Variants in SUCLG2 observed in about 807,000 individuals in gnomAD.
SUCLG2 encodes succinate--CoA ligase [GDP-forming] subunit beta, mitochondrial.
In SUCLG2, 42 loss-of-function variants were observed where a neutral mutation model predicts 47.9. The observed-to-expected ratio is 0.88, with a 90% CI of 0.69 to 1.14. The LOEUF (loss-of-function observed/expected upper bound fraction) is 1.14, where lower values mean the gene tolerates loss of function less well. SUCLG2 is among the 50% of genes most tolerant of loss of function. The pLI is 0.00. For missense variants in SUCLG2, 571 were observed against 525.9 expected (o/e 1.09, Z -0.84); for synonymous variants, 195 against 197.3 (o/e 0.99, Z 0.10).
chr3:67,651,819 T>C (rs1014526210), intron 1 of SUCLG2, among the ~76,000 whole-genome samples: 1 of 152,256 alleles, frequency 6.6e-6, no homozygotes, highest in Admixed American at 6.5e-5. Flanking sequence ...AGGTCTCCTC[T>C]GATCATCCAG....
At chr3:67,370,493 T>A (rs1559634305), downstream of SUCLG2, among the ~76,000 whole-genome samples, 2 of 152,310 alleles carry the variant, frequency 1.3e-5, no homozygotes, top group East Asian at 3.9e-4. Context: ...TGAAGAGTGA[T>A]AAATAAAACC....
At chr3:67,429,778 A>C (rs902243580) in intron 9 of SUCLG2, among the ~76,000 whole-genome samples, 1 of 152,182 alleles carries the variant, frequency 6.6e-6, no homozygotes, top group African/African-American at 2.4e-5. Context: ...ATGGAAAACA[A>C]AAAAAAGAAG....
chr3:67,636,894 T>C (rs1575834573), intron 1 of SUCLG2, among the ~76,000 whole-genome samples: 1 of 151,384 alleles, frequency 6.6e-6, no homozygotes. Context: ...ACAGACAACA[T>C]CCAGACCAGG....
intron 9 of SUCLG2, among the ~76,000 whole-genome samples, chr3:67,450,720 G>A (rs1421746500): frequency 6.6e-6 from 1 of 152,138 alleles, no homozygotes; most frequent in Non-Finnish European, 1.5e-5. Flanking sequence ...AGAATCACCA[G>A]GTCCCAATCC....
chr3:67,591,156 GCTGT>G (rs1708153537), intron 2 of SUCLG2, among the ~76,000 whole-genome samples: 1 of 152,110 alleles, frequency 6.6e-6, no homozygotes. Flanking sequence ...GATCTCTCTG[GCTGT>G]CTGTCTAGAA....
intron 2 of SUCLG2, among the ~76,000 whole-genome samples, chr3:67,576,386 T>C (rs17046626): frequency 2.0e-5 from 3 of 152,026 alleles, no homozygotes; most frequent in Non-Finnish European, 4.4e-5. Flanking sequence ...CAGTAAACAA[T>C]TGGTCCAAGT....
At chr3:67,449,974 C>T (rs368883629) in intron 9 of SUCLG2, among the ~76,000 whole-genome samples, 8 of 151,694 alleles carry the variant, frequency 5.3e-5, no homozygotes, top group Admixed American at 3.3e-4. Context: ...ACTATCAATA[C>T]GAAAAATAAC....
rs1702697660 is a variant in SUCLG2 at position 67,402,107 on chromosome 3, C to T, written c.1063-1256G>A. Among the ~76,000 whole-genome samples, 4 of 152,192 alleles carry T rather than the reference C, an allele frequency of 2.6e-5. No individual in the cohort carries two copies. In the South Asian group the frequency reaches 8.3e-4, roughly 32 times the overall value. ...ACTGATTTGTTCATTGATGTTGTTG[C>T]TAGGGCTGGGACCTTGGTCGAGTTA... On this transcript the variant is annotated intron_variant, in intron 9 of 10. Transcript: ENST00000307227.
intron 2 of SUCLG2, among the ~76,000 whole-genome samples, chr3:67,557,219 C>G (rs913087545): frequency 6.6e-6 from 1 of 152,126 alleles, no homozygotes; most frequent in Non-Finnish European, 1.5e-5. Flanking sequence ...TCTACCTCTA[C>G]AATACTCAGG....
At chr3:67,429,460 G>A (rs536167973) in intron 9 of SUCLG2, among the ~76,000 whole-genome samples, 115 of 152,240 alleles carry the variant, frequency 7.6e-4, no homozygotes, top group African/African-American at 2.7e-3. Flanking sequence ...CACTAAACAT[G>A]GAAAGGAATA....
chr3:67,439,580 T>C (rs974222743), intron 9 of SUCLG2, among the ~76,000 whole-genome samples: 27 of 152,072 alleles, frequency 1.8e-4, no homozygotes, highest in African/African-American at 6.5e-4. Flanking sequence ...AGCATTCCTA[T>C]ACACCAATAA....
intron 2 of SUCLG2, among the ~76,000 whole-genome samples, chr3:67,550,192 C>G (rs1706976994): frequency 6.6e-6 from 1 of 152,212 alleles, no homozygotes; most frequent in Non-Finnish European, 1.5e-5. Flanking sequence ...CATGATTGGT[C>G]TCTGTGAGAC....
intron 10 of SUCLG2, among the ~76,000 whole-genome samples, chr3:67,364,139 C>A (rs1701844911): frequency 6.6e-6 from 1 of 152,162 alleles, no homozygotes; most frequent in African/African-American, 2.4e-5. Context: ...GTGACCCCAG[C>A]CCTACTGAAG....
exon 11 of SUCLG2, chr3:67,360,728 T>C (rs1480870222): frequency 1.3e-6 from 2 of 1,532,964 alleles, no homozygotes; most frequent in Non-Finnish European, 1.7e-6. Context: ...CTGTTTCTTG[T>C]TTTATGTGCA....
chr3:67,506,838 A>G (rs1023408979), intron 7 of SUCLG2, among the ~76,000 whole-genome samples: 1 of 152,240 alleles, frequency 6.6e-6, no homozygotes, highest in Non-Finnish European at 1.5e-5. Flanking sequence ...GCCAAACTGG[A>G]GACTACTTCT....
intron 2 of SUCLG2, among the ~76,000 whole-genome samples, chr3:67,570,824 C>T (rs774833094): frequency 2.0e-5 from 3 of 152,172 alleles, no homozygotes; most frequent in African/African-American, 4.8e-5. Context: ...CTTTCTTTGA[C>T]TGATCTGATT....
chr3:67,584,165 G>C (rs181167361), intron 2 of SUCLG2, among the ~76,000 whole-genome samples: 5 of 152,174 alleles, frequency 3.3e-5, no homozygotes, highest in Admixed American at 2.0e-4. Flanking sequence ...TCTACCAATT[G>C]GTAAATGGAC....
At chr3:67,405,017 T>A (rs1464992991) in intron 9 of SUCLG2, among the ~76,000 whole-genome samples, 3 of 150,856 alleles carry the variant, frequency 2.0e-5, no homozygotes, top group Non-Finnish European at 4.4e-5. Context: ...TCTATTTAAG[T>A]AACCAGAGAC....
At chr3:67,453,935 C>T (rs973468678) in intron 9 of SUCLG2, among the ~76,000 whole-genome samples, 5 of 152,148 alleles carry the variant, frequency 3.3e-5, no homozygotes, top group East Asian at 3.9e-4. Flanking sequence ...CCAAGGTTGT[C>T]GTTGTCGTGC....
Sources: gnomAD v4.1 joint callset for allele counts (sites outside exome capture counted in the v4.1 genomes callset) on GRCh38, gnomAD v4.1.1 for gene constraint, MANE v1.5 for transcripts, NCBI Gene and HGNC (gene_info 2026-07-23, HGNC 2026-07-21) for gene names.